The following DNAH12 variants were observed in gnomAD, a reference collection of about 807,000 sequenced individuals.
The protein encoded by DNAH12 is axonemal beta dynein heavy chain 12.
DNAH12 carries 285 observed loss-of-function variants against 371.5 expected under a neutral mutation model. The observed-to-expected ratio is 0.77, with a 90% CI of 0.70 to 0.85. The LOEUF is 0.85. Among genes scored for constraint, DNAH12 ranks in the 40% least tolerant of loss-of-function variants. The probability of loss-of-function intolerance (pLI) is 0.00; values close to 1 mark genes in which losing one functional copy is unlikely to be tolerated. For synonymous variants in DNAH12, 1,200 were observed against 1,213.0 expected (o/e 0.99, Z 0.22); for missense variants, 3,611 against 3,689.4 (o/e 0.98, Z 0.55).
At chr3:57,353,414 T>C (rs1296245862) in intron 59 of DNAH12, among the ~76,000 whole-genome samples, 1 of 152,144 alleles carries the variant, frequency 6.6e-6, no homozygotes, top group Admixed American at 6.5e-5. Context: ...CATCTCAGCC[T>C]CCTAAGTAGC....
chr3:57,401,805 A>G (rs2153351578), intron 43 of DNAH12, among the ~76,000 whole-genome samples: 1 of 152,244 alleles, frequency 6.6e-6, no homozygotes, highest in East Asian at 1.9e-4. Context: ...ATAGTAGCAC[A>G]CTCTGGTAGC....
intron 69 of DNAH12, among the ~76,000 whole-genome samples, chr3:57,302,567 A>ATATATATATTTTTTTTTTT (rs2061380979): frequency 7.3e-5 from 2 of 27,484 alleles, no homozygotes; most frequent in Non-Finnish European, 1.3e-4. Context: ...ATATATATGT[A>ATATATATATTTTTTTTTTT]TTTTTTTTTT....
chr3:57,459,466 C>T, intron 20 of DNAH12, 126 bp downstream of exon 20: 1 of 909,352 alleles, frequency 1.1e-6, no homozygotes, highest in Non-Finnish European at 1.5e-6. Flanking sequence ...TTATATTTTT[C>T]TGAACTTTCC....
intron 27 of DNAH12, among the ~76,000 whole-genome samples, 168 bp from the exon 28 acceptor site, chr3:57,445,587 G>A (rs1481242987): frequency 6.6e-6 from 1 of 151,878 alleles, no homozygotes; most frequent in Non-Finnish European, 1.5e-5. Context: ...TATGCAGTTA[G>A]TATTTTTTTG....
In DNAH12 at chr3:57,424,668, C is replaced by T. The variant is rs561323219; in HGVS notation, c.5373+354G>A. On this transcript the variant is annotated intron_variant, in intron 35 of 73. Coordinates refer to ENST00000495027, the MANE Select transcript of DNAH12 (RefSeq NM_001366028.2). ...GCAGTCACCTGTAATCTCAGCTACT[C>T]GGGAGGCTGAGGGAGGAGAATCACT... Among the ~76,000 whole-genome samples, 7 of 150,098 alleles carry T rather than the reference C, an allele frequency of 4.7e-5. No homozygotes were observed. The East Asian group carries it at 9.8e-4, about 21-fold the overall frequency.
chr3:57,466,415 TAAGTTAAAA>T (rs1447127671), intron 17 of DNAH12, among the ~76,000 whole-genome samples: 4 of 152,150 alleles, frequency 2.6e-5, no homozygotes, highest in Non-Finnish European at 5.9e-5. Flanking sequence ...AAATAATTTT[TAAGTTAAAA>T]AAATCAGACG....
intron 69 of DNAH12, among the ~76,000 whole-genome samples, chr3:57,306,512 G>A (rs916408548): frequency 5.3e-5 from 8 of 151,838 alleles, no homozygotes; most frequent in East Asian, 1.9e-4. Flanking sequence ...CCTCATTGCC[G>A]CCTTTTCCCC....
chr3:57,295,496 C>A, intron 73 of DNAH12, 29 bp downstream of exon 73: 1 of 1,537,882 alleles, frequency 6.5e-7, no homozygotes, highest in Non-Finnish European at 8.8e-7. Context: ...CCCTAAACTT[C>A]AAATAAATTT....
intron 69 of DNAH12, among the ~76,000 whole-genome samples, chr3:57,304,085 C>T (rs1045398468): frequency 6.9e-6 from 1 of 144,366 alleles, no homozygotes; most frequent in African/African-American, 2.6e-5. Flanking sequence ...CAGAGAACAA[C>T]CCCCCTTTGA....
chr3:57,535,652 C>T (rs1188800873), intron 2 of DNAH12, among the ~76,000 whole-genome samples: 1 of 152,152 alleles, frequency 6.6e-6, no homozygotes, highest in Non-Finnish European at 1.5e-5. Flanking sequence ...AAGTGATTCT[C>T]CTGCCTCAGC....
At chr3:57,312,262 C>T (rs1275723190) in intron 66 of DNAH12, among the ~76,000 whole-genome samples, 12 of 152,126 alleles carry the variant, frequency 7.9e-5, no homozygotes, top group Non-Finnish European at 4.4e-5. Context: ...GGAAGGTCGT[C>T]GTTTTGGGAA....
intron 62 of DNAH12, among the ~76,000 whole-genome samples, chr3:57,330,507 G>T (rs962746525): frequency 7.0e-6 from 1 of 141,972 alleles, no homozygotes; most frequent in Admixed American, 7.7e-5. Flanking sequence ...GGTGGGAATC[G>T]AACAGTGAGA....
At chr3:57,477,752 C>G (rs2066588042) in intron 13 of DNAH12, among the ~76,000 whole-genome samples, 1 of 152,180 alleles carries the variant, frequency 6.6e-6, no homozygotes, top group African/African-American at 2.4e-5. Context: ...CAGGCAGCAA[C>G]ACTTGCTGTT....
chr3:57,403,038 A>G (rs998186433), intron 43 of DNAH12, among the ~76,000 whole-genome samples: 2 of 152,200 alleles, frequency 1.3e-5, no homozygotes, highest in Non-Finnish European at 2.9e-5. Context: ...TATGTGTCAC[A>G]TGTCACTCAG....
intron 12 of DNAH12, among the ~76,000 whole-genome samples, chr3:57,485,944 G>T (rs556463364): frequency 1.3e-5 from 2 of 152,114 alleles, no homozygotes; most frequent in East Asian, 3.9e-4. Context: ...TAACTGCTAG[G>T]CGTGGTGGCT....
At chr3:57,444,873 T>A in intron 28 of DNAH12, 57 bp from the exon 29 acceptor site, 4 of 1,512,436 alleles carry the variant, frequency 2.6e-6, no homozygotes, top group Non-Finnish European at 3.5e-6. Flanking sequence ...GCAACCCCAC[T>A]TCTCCCTCCC....
intron 11 of DNAH12, among the ~76,000 whole-genome samples, chr3:57,495,637 GTATT>G (rs1485517045): frequency 2.1e-5 from 3 of 145,812 alleles, no homozygotes; most frequent in Non-Finnish European, 3.0e-5. Context: ...ATATTTTTAT[GTATT>G]TATATAATAT....
At chr3:57,446,900 C>T (rs1010472853) in intron 25 of DNAH12, among the ~76,000 whole-genome samples, 3 of 152,158 alleles carry the variant, frequency 2.0e-5, no homozygotes, top group Non-Finnish European at 4.4e-5. Flanking sequence ...CAAAACTTGT[C>T]TTCTGACACT....
chr3:57,491,677 T>A (rs569279723), intron 11 of DNAH12, among the ~76,000 whole-genome samples: 1 of 152,152 alleles, frequency 6.6e-6, no homozygotes, highest in Non-Finnish European at 1.5e-5. Context: ...CTCATGCCTG[T>A]AAACCCCCAG....
Sources: gnomAD v4.1 joint callset for allele counts (sites outside exome capture counted in the v4.1 genomes callset) on GRCh38, gnomAD v4.1.1 for gene constraint, MANE v1.5 for transcripts, NCBI Gene and HGNC (gene_info 2026-07-23, HGNC 2026-07-21) for gene names.